The following MTOR variants were observed in gnomAD, a reference collection of about 807,000 sequenced individuals.
MTOR encodes mechanistic target of rapamycin kinase, also known as serine/threonine-protein kinase mTOR.
In MTOR, 70 loss-of-function variants were observed where a neutral mutation model predicts 319.8. That is an observed-to-expected ratio of 0.22 (90% CI 0.18 to 0.27). The LOEUF is 0.27. MTOR is among the 10% of genes least tolerant of loss of function. The pLI, the probability that MTOR is intolerant of heterozygous loss-of-function variation, is 1.00. For synonymous variants in MTOR, 1,183 were observed against 1,211.4 expected, an observed-to-expected ratio of 0.98 and a Z score of 0.49; for missense variants, 1,890 against 3,274.4, an observed-to-expected ratio of 0.58 and a Z score of 10.32.
In MTOR at chr1:11,259,361, T is replaced by C. The variant is rs760048895; in HGVS notation, c.49A>G (p.Ser17Gly). 5 of 1,605,486 alleles carry C rather than the reference T, an allele frequency of 3.1e-6. No individual in the cohort carries two copies. The highest frequency in any genetic ancestry group is 2.2e-5 in the South Asian group (2 of 89,608). The change falls in exon 2 of 58, where the codon AGC (serine) becomes GGC (glycine). Residue 17 changes from serine (S) to glycine (G), a missense_variant. Physicochemically the swap from Ser to Gly is moderately conservative, Grantham distance 56. Coordinates refer to ENST00000361445, the MANE Select transcript of MTOR (RefSeq NM_004958.4). ...AACTGCTGCAGGACGCTCACATTGC[T>C]AGATGTGGTGGCAGCGGTGGTGGCG... ...AAATTAATTSSNVSVLQQFAS... is the reference protein window; with the variant it reads ...AAATTAATTSGNVSVLQQFAS...
intron 57 of MTOR, 97 bp from the exon 58 acceptor site, chr1:11,107,597 C>T: frequency 7.5e-7 from 1 of 1,335,532 alleles, no homozygotes; most frequent in Non-Finnish European, 1.0e-6. Flanking sequence ...GGTCTGACAA[C>T]CCTAGGGTAT....
intron 30 of MTOR, among the ~76,000 whole-genome samples, chr1:11,153,033 G>C (rs1470427430): frequency 6.6e-6 from 1 of 152,120 alleles, no homozygotes; most frequent in Non-Finnish European, 1.5e-5. Context: ...CACTCAGCTC[G>C]GTTTTCTCAA....
At chr1:11,226,060 C>T (rs1646825269) in intron 19 of MTOR, among the ~76,000 whole-genome samples, 1 of 152,118 alleles carries the variant, frequency 6.6e-6, no homozygotes, top group South Asian at 2.1e-4. Context: ...TACATTATAA[C>T]CAAGGTGGTT....
rs371028487 is a variant in MTOR, at chr1:11,224,593, T to C, written c.3030+4075A>G. ...CAATCTAATGACTTATGTAAAACCCTGTCCATAACGTTAGCAAATACACAA... is the reference window on the plus strand; with the variant it reads ...CAATCTAATGACTTATGTAAAACCCCGTCCATAACGTTAGCAAATACACAA... On this transcript the variant is annotated intron_variant, in intron 19 of 57. Transcript: ENST00000361445. Among the ~76,000 whole-genome samples the C allele has an allele frequency of 1.8e-3, 281 of 152,304 alleles. 3 individuals carry two copies. The highest frequency in any genetic ancestry group is 6.5e-3 in the African/African-American group (271 of 41,570).
chr1:11,238,126 C>T, intron 12 of MTOR, 78 bp from the exon 13 acceptor site: 2 of 1,379,334 alleles, frequency 1.4e-6, no homozygotes, highest in South Asian at 1.2e-5. Context: ...ACCTCCACTG[C>T]CATCAGCGTA....
In MTOR at chr1:11,259,282, T is replaced by C. The variant is rs939741247; in HGVS notation, c.128A>G (p.Glu43Gly). ...NEETRAKAAK[E>G]LQHYVTMELR... Reference sequence around the variant, plus strand: ...TTCCATGGTGACATAGTGCTGGAGCTCCTTGGCGGCTTTGGCCCTGGTTTC... The same window carrying C: ...TTCCATGGTGACATAGTGCTGGAGCCCCTTGGCGGCTTTGGCCCTGGTTTC... The change falls in exon 2 of 58, where the codon GAG becomes GGG. Residue 43 changes from glutamate to glycine, a missense_variant. Around this residue, in one of 15 missense-constraint regions of MTOR, gnomAD observed 85 missense variants for 105.8 expected, o/e 0.80. Coordinates refer to ENST00000361445, the MANE Select transcript of MTOR (RefSeq NM_004958.4). 38 of 1,613,876 alleles carry C rather than the reference T, an allele frequency of 2.4e-5. No homozygotes were observed. Among genetic ancestry groups the C allele is most frequent in the Admixed American group, 3.3e-5 (2 of 59,964 alleles).
intron 24 of MTOR, among the ~76,000 whole-genome samples, chr1:11,209,969 G>C (rs1353962582): frequency 6.6e-6 from 1 of 151,988 alleles, no homozygotes; most frequent in African/African-American, 2.4e-5. Flanking sequence ...CTGGGTTCAA[G>C]CAATTCTCTT....
At chr1:11,198,791 T>C (rs79523382) in intron 28 of MTOR, among the ~76,000 whole-genome samples, 1 of 152,270 alleles carries the variant, frequency 6.6e-6, no homozygotes. Flanking sequence ...GATTTCAGAT[T>C]ATGCTCTGCC....
chr1:11,246,555 G>C (rs1379617155), intron 8 of MTOR, among the ~76,000 whole-genome samples: 2 of 152,044 alleles, frequency 1.3e-5, no homozygotes, highest in Non-Finnish European at 2.9e-5. Flanking sequence ...TACTTCTTTC[G>C]AACAGCGTGT....
At chr1:11,138,251 A>C (rs1054371824) in intron 36 of MTOR, among the ~76,000 whole-genome samples, 2 of 152,290 alleles carry the variant, frequency 1.3e-5, no homozygotes, top group East Asian at 3.9e-4. Flanking sequence ...GGAGGAGGTC[A>C]GGCTTTGAAT....
chr1:11,107,584 C>T, intron 57 of MTOR, 84 bp from the exon 58 acceptor site: 1 of 1,438,346 alleles, frequency 7.0e-7, no homozygotes, highest in South Asian at 1.2e-5. Flanking sequence ...ATGAAAAGGC[C>T]AAGGTCTGAC....
At chr1:11,135,667 T>C (rs915011079) in intron 36 of MTOR, among the ~76,000 whole-genome samples, 1 of 147,420 alleles carries the variant, frequency 6.8e-6, no homozygotes, top group African/African-American at 2.5e-5. Flanking sequence ...AACCTGTCTC[T>C]ACCAAAAATA....
rs2100765069 is a variant in MTOR, at chr1:11,204,615, G to A, written c.3890C>T (p.Ser1297Leu). Residue 1297 changes from serine to leucine, a missense_variant, in exon 26 of 58, where the codon TCG (serine) becomes TTG (leucine). Ser to Leu is a moderately radical substitution (Grantham distance 145, BLOSUM62 -2). Around this residue, in one of 15 missense-constraint regions of MTOR, gnomAD observed 49 missense variants for 119.1 expected, o/e 0.41. Coordinates refer to ENST00000361445, the MANE Select transcript of MTOR (RefSeq NM_004958.4). ...LSLELLKDSS[S>L]PSLRSCWALA... ...GGCCCAGCAGGAGCGCAGGGAGGGC[G>A]ATGATGAGTCCTTCAGCAGCTCCAG... The A allele has an allele frequency of 1.2e-6, 2 of 1,614,170 alleles. No individual in the cohort carries two copies. Among genetic ancestry groups the A allele is most frequent in the Non-Finnish European group, 1.7e-6 (2 of 1,180,032 alleles).
At chr1:11,175,619 G>C (rs950177991) in intron 28 of MTOR, among the ~76,000 whole-genome samples, 1 of 152,224 alleles carries the variant, frequency 6.6e-6, no homozygotes, top group African/African-American at 2.4e-5. Context: ...CTGAGCAGCG[G>C]GTGGTTCAGC....
intron 29 of MTOR, among the ~76,000 whole-genome samples, chr1:11,167,096 G>C (rs902107275): frequency 1.3e-5 from 2 of 152,160 alleles, no homozygotes; most frequent in African/African-American, 4.8e-5. Flanking sequence ...GGCCTGTCGT[G>C]GAGTGTGGGG....
rs751114327 is a variant in MTOR, at chr1:11,112,823, C to A, written c.7366+29G>T. 93 of 1,613,214 alleles carry A rather than the reference C, an allele frequency of 5.8e-5. No homozygotes were observed. The South Asian group carries it at 5.8e-4, about 10-fold the overall frequency. ...CAAACACTCTGCACAAGGGGGAGAG[C>A]CTTTGCGACCTCCCGTGGATGCACC... On this transcript the variant is annotated intron_variant, in intron 54 of 57. Coordinates refer to ENST00000361445, the MANE Select transcript of MTOR (RefSeq NM_004958.4).
Position 11,216,214 on chromosome 1 carries a change from T to C in MTOR, c.3051A>G (p.Gly1017=). The C allele has an allele frequency of 6.2e-7, 1 of 1,614,074 alleles. No homozygotes were observed. The highest frequency in any genetic ancestry group is 8.5e-7 in the Non-Finnish European group (1 of 1,179,970). ...GGCTCTTCACAAAGGACACCAACAT[T>C]CCCAGCTGCTGGAACAAAAACTGAA... is the stretch of plus-strand genomic sequence containing the variant. ...AIREFLFQQL[G]MLVSFVKSHI... is the part of the protein sequence containing the mutation. Residue 1017 remains glycine (G), a synonymous_variant, in exon 20 of 58, where the codon GGA becomes GGG. Coordinates refer to ENST00000361445, the MANE Select transcript of MTOR (RefSeq NM_004958.4).
In MTOR at chr1:11,225,420, TTC is replaced by T. The variant is rs367750130; in HGVS notation, c.3030+3246_3030+3247del. On this transcript the variant is annotated intron_variant, in intron 19 of 57. Coordinates refer to ENST00000361445, the MANE Select transcript of MTOR (RefSeq NM_004958.4). Reference sequence around the variant, plus strand: ...AATAGATCAACAAGTCAAAAATTGGTTCTTTTTTTTTTTTTTTTTGAGACAGA... The same window carrying T: ...AATAGATCAACAAGTCAAAAATTGGTTTTTTTTTTTTTTTTTTGAGACAGA... 8.7e-5 allele frequency among the ~76,000 whole-genome samples: 9 copies of T among 102,988 alleles called. No individual in the cohort carries two copies. In the South Asian group the frequency reaches 4.2e-3, roughly 48 times the overall value. The allele number at this position is 102,988 out of a possible 152,430, so 67.6% of individuals were successfully genotyped here. A position where few individuals can be genotyped will look rare whatever the true frequency, so the allele number is the denominator to read the frequency against.
intron 28 of MTOR, chr1:11,189,717 T>C (rs1050485624): frequency 6.2e-7 from 1 of 1,613,986 alleles, no homozygotes; most frequent in Non-Finnish European, 8.5e-7. Flanking sequence ...CCAACTGCTG[T>C]GAGGAGGTGA....
Sources: allele counts gnomAD v4.1 joint callset (sites outside exome capture counted in the v4.1 genomes callset), GRCh38; gene constraint gnomAD v4.1.1; regional missense constraint gnomAD v4.1.1; transcripts MANE v1.5; gene names NCBI Gene and HGNC (gene_info 2026-07-23, HGNC 2026-07-21).